The following SLC36A2 variants were observed in gnomAD, a reference collection of about 807,000 sequenced individuals.
The protein encoded by SLC36A2 is proton-coupled amino acid transporter 2.
SLC36A2 carries 39 observed loss-of-function variants against 42.7 expected under a neutral mutation model. That is an observed-to-expected ratio of 0.91 (90% CI 0.71 to 1.19). The LOEUF is 1.19. Among genes scored for constraint, SLC36A2 ranks in the 50% most tolerant of loss-of-function variants. The probability of loss-of-function intolerance (pLI) is 0.00; values close to 1 mark genes in which losing one functional copy is unlikely to be tolerated. For missense variants in SLC36A2, 590 were observed against 613.7 expected, an observed-to-expected ratio of 0.96 and a Z score of 0.41; for synonymous variants, 237 against 240.8, an observed-to-expected ratio of 0.98 and a Z score of 0.15.
Position 151,322,030 on chromosome 5 carries a change from T to A in SLC36A2, c.1180+16A>T. The A allele has an allele frequency of 6.2e-7, 1 of 1,614,020 alleles. No homozygotes were observed. The highest frequency in any genetic ancestry group is 1.7e-5 in the Admixed American group (1 of 60,018). Reference sequence around the variant, plus strand: ...GAAAAGATCAGCAGGAACACTGCACTCTCCTTTCTACTCACATGTCAGGCA... The same window carrying A: ...GAAAAGATCAGCAGGAACACTGCACACTCCTTTCTACTCACATGTCAGGCA... On this transcript the variant is annotated intron_variant, in intron 9 of 9. Coordinates refer to ENST00000335244, the MANE Select transcript of SLC36A2 (RefSeq NM_181776.3).
Position 151,316,771 on chromosome 5 carries a change from A to G in SLC36A2, c.*46T>C, listed in dbSNP as rs1012344601. The G allele has an allele frequency of 4.1e-6, 6 of 1,456,628 alleles. No homozygotes were observed. The African/African-American group carries it at 7.3e-5, about 18-fold the overall frequency. 90.2% of individuals were successfully genotyped at this position (1,456,628 alleles called of 1,614,324 possible). A position where few individuals can be genotyped will look rare whatever the true frequency, so the allele number is the denominator to read the frequency against. ...AAAAAAAAAAAAAAAAAAGAGATCC[A>G]TATAATTAAAAGTCGGGTGCTGGTA... On this transcript the variant is annotated 3_prime_UTR_variant, in exon 10 of 10. Coordinates refer to ENST00000335244, the MANE Select transcript of SLC36A2 (RefSeq NM_181776.3).
intron 4 of SLC36A2, among the ~76,000 whole-genome samples, chr5:151,341,762 G>C (rs764867518): frequency 2.0e-5 from 3 of 152,128 alleles, no homozygotes; most frequent in Non-Finnish European, 2.9e-5. Flanking sequence ...TTCAGTTCTG[G>C]ATTGGTGCAT....
At chr5:151,340,793 G>C (rs763105133) in intron 4 of SLC36A2, among the ~76,000 whole-genome samples, 2 of 152,190 alleles carry the variant, frequency 1.3e-5, no homozygotes, top group Non-Finnish European at 2.9e-5. Context: ...GCCTGTGAAA[G>C]AGGTGTGGAT....
intron 9 of SLC36A2, 153 bp downstream of exon 9, chr5:151,321,893 G>A (rs897749496): frequency 3.4e-6 from 3 of 890,984 alleles, no homozygotes; most frequent in Non-Finnish European, 5.4e-6. Context: ...GGCCAGGCTT[G>A]TCTGAAACTC....
At chr5:151,325,138 C>T (rs112276786) in intron 8 of SLC36A2, 148 bp downstream of exon 8, 16 of 916,836 alleles carry the variant, frequency 1.7e-5, no homozygotes, top group African/African-American at 9.8e-5. Flanking sequence ...GACAGAGAAT[C>T]TGGAGACCGT....
chr5:151,325,272 G>A lies in SLC36A2; in HGVS notation c.1010+14C>T. 6.2e-7 allele frequency: 1 copy of A among 1,612,008 alleles called. No homozygotes were observed. The highest frequency in any genetic ancestry group is 8.5e-7 in the Non-Finnish European group (1 of 1,179,112). ...ATTCCTGAGTCCCCACCACCTGACA[G>A]CCCATGAAGATACCAGCAGTTAGGC... On this transcript the variant is annotated intron_variant, in intron 8 of 9. Coordinates refer to ENST00000335244, the MANE Select transcript of SLC36A2 (RefSeq NM_181776.3).
chr5:151,343,536 G>A lies in SLC36A2; in HGVS notation c.318C>T (p.Val106=). 1 of 1,614,180 alleles carries A rather than the reference G, an allele frequency of 6.2e-7. No individual in the cohort carries two copies. Among genetic ancestry groups the A allele is most frequent in the Non-Finnish European group, 8.5e-7 (1 of 1,180,034 alleles). The change falls in exon 3 of 10, where the codon GTC becomes GTT. Residue 106 remains valine, a synonymous_variant. Transcript: ENST00000335244. ...TCTTACAGAAGCGCTGGGCACACTT[G>A]ACCAGGATGTGCATACAGTGGCAGG... is the stretch of plus-strand genomic sequence containing the variant. ...FIACHCMHIL[V]KCAQRFCKRL...
intron 6 of SLC36A2, among the ~76,000 whole-genome samples, chr5:151,334,015 C>G (rs766070871): frequency 1.3e-5 from 2 of 152,040 alleles, no homozygotes; most frequent in Non-Finnish European, 2.9e-5. Flanking sequence ...ATGAAAGATC[C>G]ATTTTTTTCT....
intron 4 of SLC36A2, among the ~76,000 whole-genome samples, chr5:151,341,046 T>C (rs577504671): frequency 1.3e-5 from 2 of 152,308 alleles, no homozygotes; most frequent in East Asian, 1.9e-4. Flanking sequence ...ATATGCAGAA[T>C]GTGCACTTTT....
At chr5:151,340,556 AAGCTTAC>A (rs892342149) in intron 4 of SLC36A2, among the ~76,000 whole-genome samples, 2 of 152,200 alleles carry the variant, frequency 1.3e-5, no homozygotes, top group Non-Finnish European at 1.5e-5. Context: ...AGAAACAAAA[AAGCTTAC>A]AACAAATGCA....
At chr5:151,342,485 C>T (rs1269344923) in intron 4 of SLC36A2, among the ~76,000 whole-genome samples, 3 of 152,148 alleles carry the variant, frequency 2.0e-5, no homozygotes, top group Non-Finnish European at 4.4e-5. Context: ...GGCAACCAGC[C>T]CTTCTTTCCT....
chr5:151,346,784 T>C (rs1429207065), intron 1 of SLC36A2, among the ~76,000 whole-genome samples: 2 of 152,138 alleles, frequency 1.3e-5, no homozygotes, highest in Non-Finnish European at 2.9e-5. Flanking sequence ...ACTAGAACTT[T>C]CCACAAAGTG....
At chr5:151,326,812 C>CTTTTTTTTTTTTT (rs5872202) in intron 7 of SLC36A2, among the ~76,000 whole-genome samples, 5 of 142,282 alleles carry the variant, frequency 3.5e-5, no homozygotes, top group Non-Finnish European at 6.0e-5. Flanking sequence ...ATGAATTTAC[C>CTTTTTTTTTTTTT]TTTTTTTTTT....
chr5:151,315,848 A>G lies in SLC36A2; in HGVS notation c.*969T>C, dbSNP rs1406168563. 1 of 152,246 alleles carries G rather than the reference A, an allele frequency of 6.6e-6. No homozygotes were observed. Among genetic ancestry groups the G allele is most frequent in the Non-Finnish European group, 1.5e-5 (1 of 68,046 alleles). 9.4% of individuals were successfully genotyped at this position (152,246 alleles called of 1,614,324 possible). A position where few individuals can be genotyped will look rare whatever the true frequency, so the allele number is the denominator to read the frequency against. On this transcript the variant is annotated 3_prime_UTR_variant, in exon 10 of 10. Coordinates refer to ENST00000335244, the MANE Select transcript of SLC36A2 (RefSeq NM_181776.3). ...GGTAAAGTCTATTCAAATAATATTC[A>G]TGTTCACTCCTCATCCCTCCCCATT...
chr5:151,317,871 A>G (rs1217137847), intron 9 of SLC36A2, among the ~76,000 whole-genome samples: 3 of 152,162 alleles, frequency 2.0e-5, no homozygotes, highest in Admixed American at 6.5e-5. Context: ...GAGAAAAGAC[A>G]AAGTGTATAT....
At chr5:151,344,056 C>G in intron 2 of SLC36A2, 121 bp downstream of exon 2, 1 of 902,958 alleles carries the variant, frequency 1.1e-6, no homozygotes, top group South Asian at 1.4e-5. Flanking sequence ...AGACCCTAAC[C>G]CCGCACCAAG....
chr5:151,342,501 G>A (rs1036305918), intron 4 of SLC36A2, among the ~76,000 whole-genome samples: 10 of 151,956 alleles, frequency 6.6e-5, no homozygotes, highest in Admixed American at 4.6e-4. Flanking sequence ...TTCCTTCATC[G>A]TACATATCCA....
chr5:151,333,215 A>G lies in SLC36A2; in HGVS notation c.843+9T>C, dbSNP rs749013331. On this transcript the variant is annotated intron_variant, in intron 7 of 9. Transcript: ENST00000335244. ...ACTAGGGATAAGGCCACCTCAATTC[A>G]AACCTTACCACACCAATGCTTTCAA... 1 of 1,612,666 alleles carries G rather than the reference A, an allele frequency of 6.2e-7. No homozygotes were observed. The highest frequency in any genetic ancestry group is 8.5e-7 in the Non-Finnish European group (1 of 1,178,856).
intron 5 of SLC36A2, among the ~76,000 whole-genome samples, chr5:151,337,703 G>T (rs762601671): frequency 2.6e-5 from 4 of 152,092 alleles, no homozygotes; most frequent in Non-Finnish European, 4.4e-5. Flanking sequence ...AAAGACTTTT[G>T]TGCCAACAGA....
Sources: gnomAD v4.1 joint callset for allele counts (sites outside exome capture counted in the v4.1 genomes callset) on GRCh38, gnomAD v4.1.1 for gene constraint, MANE v1.5 for transcripts, NCBI Gene and HGNC (gene_info 2026-07-23, HGNC 2026-07-21) for gene names.